Variants in SYTL2 observed in about 807,000 individuals in gnomAD.
SYTL2 encodes synaptotagmin like 2, also known as synaptotagmin-like protein 2.
A neutral mutation model predicts 198.7 loss-of-function variants in SYTL2; 165 were observed. That is an observed-to-expected ratio of 0.83 (90% CI 0.73 to 0.94). The LOEUF (loss-of-function observed/expected upper bound fraction) is 0.94. Among genes scored for constraint, SYTL2 ranks in the 40% least tolerant of loss-of-function variants. The pLI, the probability that SYTL2 is intolerant of heterozygous loss-of-function variation, is 0.00. For missense variants in SYTL2, 2,835 were observed against 2,582.8 expected, an observed-to-expected ratio of 1.10 and a Z score of -2.12; for synonymous variants, 966 against 917.7, an observed-to-expected ratio of 1.05 and a Z score of -0.95.
chr11:85,707,579 G>T, intron 14 of SYTL2, 48 bp from the exon 15 acceptor site: 2 of 1,222,152 alleles, frequency 1.6e-6, no homozygotes, highest in South Asian at 1.3e-5. Flanking sequence ...TAAAAGTTAT[G>T]TTTCCACCTC....
Position 85,694,244 on chromosome 11 carries a change from A to T in SYTL2, c.*951T>A, listed in dbSNP as rs1247914844. 3 of 152,340 alleles carry T rather than the reference A, an allele frequency of 2.0e-5. No homozygotes were observed. The highest frequency in any genetic ancestry group is 3.9e-4 in the East Asian group (2 of 5,188). The allele number at this position is 152,340 out of a possible 1,614,324, so 9.4% of individuals were successfully genotyped here. Reference sequence around the variant, plus strand: ...AATTTAGATGTTTAGAATTCCTAAAATATTTTATTTAAAATGAGAAGTCAC... The same window carrying T: ...AATTTAGATGTTTAGAATTCCTAAATTATTTTATTTAAAATGAGAAGTCAC... On this transcript the variant is annotated 3_prime_UTR_variant, in exon 20 of 20. Transcript: ENST00000359152.
intron 12 of SYTL2, among the ~76,000 whole-genome samples, chr11:85,712,539 T>C (rs577210157): frequency 3.3e-5 from 5 of 152,076 alleles, no homozygotes; most frequent in Non-Finnish European, 7.4e-5. Context: ...CTATACCCCA[T>C]GCAAAATGAT....
intron 4 of SYTL2, among the ~76,000 whole-genome samples, chr11:85,744,738 T>C (rs2091032371): frequency 1.3e-5 from 2 of 152,166 alleles, no homozygotes; most frequent in African/African-American, 4.8e-5. Flanking sequence ...TTCATCCCAA[T>C]TGAAGACTCT....
the SYTL2 span, chr11:85,852,546 G>A: frequency 6.2e-6 from 1 of 161,480 alleles, no homozygotes; most frequent in South Asian, 1.5e-4. Context: ...ACTGGTTTTC[G>A]TATTTTTTTT....
At chr11:85,815,352 G>A (rs756593825), upstream of SYTL2, among the ~76,000 whole-genome samples, 5 of 152,164 alleles carry the variant, frequency 3.3e-5, no homozygotes, top group African/African-American at 4.8e-5. Flanking sequence ...ACTTATACCA[G>A]TTACGTATCA....
the SYTL2 span, among the ~76,000 whole-genome samples, chr11:85,848,598 G>A: frequency 2.6e-5 from 4 of 151,960 alleles, no homozygotes; most frequent in Non-Finnish European, 5.9e-5. Flanking sequence ...TGAAGCAATT[G>A]ATCCTATATG....
chr11:85,697,186 C>T (rs1053283069), intron 18 of SYTL2, among the ~76,000 whole-genome samples: 3 of 151,808 alleles, frequency 2.0e-5, no homozygotes, highest in Admixed American at 6.6e-5. Flanking sequence ...ATCTATGCTA[C>T]TTAGATATAT....
At chr11:85,759,347 T>C (rs1232637842) in intron 1 of SYTL2, among the ~76,000 whole-genome samples, 1 of 152,150 alleles carries the variant, frequency 6.6e-6, no homozygotes, top group Non-Finnish European at 1.5e-5. Context: ...ATTAATTACT[T>C]GAAAAACAGA....
At chr11:85,732,828 G>A (rs913860659) in intron 7 of SYTL2, among the ~76,000 whole-genome samples, 8 of 152,218 alleles carry the variant, frequency 5.3e-5, no homozygotes, top group African/African-American at 1.2e-4. Context: ...CATAGGGTTC[G>A]ATGCAGGCTT....
At chr11:85,700,685 T>A in intron 16 of SYTL2, 92 bp from the exon 17 acceptor site, 2 of 931,220 alleles carry the variant, frequency 2.1e-6, no homozygotes, top group Non-Finnish European at 3.5e-6. Flanking sequence ...TCTGTCCCAT[T>A]TCTGGGACCA....
At chr11:85,706,861 A>G (rs2085248596) in intron 15 of SYTL2, among the ~76,000 whole-genome samples, 1 of 76,300 alleles carries the variant, frequency 1.3e-5, no homozygotes, top group African/African-American at 7.7e-5. Context: ...TTGTTTTTTG[A>G]GACAGAGTTT....
chr11:85,785,697 C>T (rs11234410), intron 1 of SYTL2, among the ~76,000 whole-genome samples: 37,997 of 152,070 alleles, frequency 0.25, 5,226 homozygotes, highest in South Asian at 0.35. Flanking sequence ...AAATGAGGCT[C>T]ATGGTCTGGA....
At chr11:85,853,267 C>G in the SYTL2 span, 1 of 435,394 alleles carries the variant, frequency 2.3e-6, no homozygotes, top group Non-Finnish European at 4.6e-6. Flanking sequence ...GTTGCCGTGT[C>G]TTGAGTAGAA....
At chr11:85,804,279 G>A (rs1445209859) in intron 1 of SYTL2, among the ~76,000 whole-genome samples, 2 of 152,160 alleles carry the variant, frequency 1.3e-5, no homozygotes, top group Non-Finnish European at 2.9e-5. Context: ...CGCAAGCTAT[G>A]TACCCTCATT....
At chr11:85,833,793 T>C in the SYTL2 span, among the ~76,000 whole-genome samples, 2 of 149,946 alleles carry the variant, frequency 1.3e-5, no homozygotes, top group African/African-American at 2.5e-5. Flanking sequence ...TGTTGTAGTG[T>C]AGTGGTACGA....
intron 13 of SYTL2, 47 bp downstream of exon 13, chr11:85,711,066 G>A: frequency 1.9e-6 from 3 of 1,602,332 alleles, no homozygotes; most frequent in Non-Finnish European, 1.7e-6. Context: ...TCAGAGCAAG[G>A]TTCAGAGACG....
intron 1 of SYTL2, among the ~76,000 whole-genome samples, chr11:85,798,851 C>T (rs2092842405): frequency 6.6e-6 from 1 of 152,166 alleles, no homozygotes; most frequent in African/African-American, 2.4e-5. Flanking sequence ...ATTCCAGACT[C>T]CCAGAAGAAA....
chr11:85,726,742 A>G lies in SYTL2; in HGVS notation c.2616T>C (p.Tyr872=). ...DDQASQLSNS[Y]SSNKSKETKP... The stretch of plus-strand genomic sequence containing the variant: ...TGGTCTCTTTAGATTTATTTGAGGA[A>G]TAAGAATTGGAGAGCTGGGATGCTT... Residue 872 remains tyrosine, a synonymous_variant, in exon 8 of 20, where the codon TAT becomes TAC. Transcript: ENST00000359152. 6.5e-7 allele frequency: 1 copy of G among 1,536,138 alleles called. No individual in the cohort carries two copies. The highest frequency in any genetic ancestry group is 8.7e-7 in the Non-Finnish European group (1 of 1,146,898).
intron 3 of SYTL2, among the ~76,000 whole-genome samples, chr11:85,746,037 G>A (rs1473825012): frequency 1.3e-5 from 2 of 152,178 alleles, no homozygotes; most frequent in Admixed American, 6.5e-5. Context: ...GACCATTAAA[G>A]CAAAATTCTG....
Sources: allele counts gnomAD v4.1 joint callset (sites outside exome capture counted in the v4.1 genomes callset), GRCh38; gene constraint gnomAD v4.1.1; transcripts MANE v1.5; gene names NCBI Gene and HGNC (gene_info 2026-07-23, HGNC 2026-07-21).